GLI3: variants seen among roughly 807,000 people sequenced by gnomAD.
The protein encoded by GLI3 is transcription activator GLI3.
Under a neutral mutation model 100.8 loss-of-function variants are expected in GLI3, and 20 were observed. The ratio of observed to expected loss-of-function variants is 0.20; its 90% CI spans 0.14 to 0.29. GLI3 has a LOEUF of 0.29. Among genes scored for constraint, GLI3 ranks in the 10% least tolerant of loss-of-function variants. GLI3 has a pLI of 1.00. For synonymous variants in GLI3, 938 were observed against 860.5 expected (o/e 1.09, Z -1.58); for missense variants, 2,040 against 2,128.5 (o/e 0.96, Z 0.82).
At chr7:42,062,801 C>T (rs1321025726) in intron 4 of GLI3, among the ~76,000 whole-genome samples, 1 of 151,968 alleles carries the variant, frequency 6.6e-6, no homozygotes, top group African/African-American at 2.4e-5. Context: ...CAGCTAAATC[C>T]AGCCTTTCCA....
chr7:42,026,145 G>T, intron 8 of GLI3, 54 bp downstream of exon 8: 1 of 1,256,094 alleles, frequency 8.0e-7, no homozygotes, highest in Non-Finnish European at 1.1e-6. Context: ...GTGGTGGCCT[G>T]CCCCCACCCT....
intron 2 of GLI3, among the ~76,000 whole-genome samples, chr7:42,213,025 C>G (rs977825291): frequency 6.6e-6 from 1 of 152,170 alleles, no homozygotes. Flanking sequence ...AGGTTACGAG[C>G]CTTTCAGTTT....
At chr7:42,095,567 A>G (rs1438800791) in intron 3 of GLI3, among the ~76,000 whole-genome samples, 1 of 152,108 alleles carries the variant, frequency 6.6e-6, no homozygotes, top group East Asian at 1.9e-4. Context: ...AGCAGAAGTA[A>G]AGGACACAGG....
In GLI3 at chr7:42,009,624, C is replaced by T. The variant is rs78122487; in HGVS notation, c.1497+13844G>A. ...ATCAACGATCTTACTCTTGTGTCAG[C>T]TGGGCACGCATGCTTCCTTTTCCTG... On this transcript the variant is annotated intron_variant, in intron 10 of 14. Coordinates refer to ENST00000395925, the MANE Select transcript of GLI3 (RefSeq NM_000168.6). Among the ~76,000 whole-genome samples the T allele has an allele frequency of 9.4e-3, 1,432 of 152,140 alleles. 24 individuals carry two copies. Among genetic ancestry groups the T allele is most frequent in the African/African-American group, 0.032 (1,310 of 41,502 alleles).
rs1034683497 is a variant in GLI3 at position 41,966,637 on chromosome 7, T to C, written c.2436A>G (p.Thr812=). The change falls in exon 15 of 15, where the codon ACA becomes ACG. Residue 812 remains threonine, a synonymous_variant. Transcript: ENST00000395925. The surrounding 1 kb of genome is among the most constrained non-coding windows in gnomAD (Gnocchi z 5.8). Reference sequence around the variant, plus strand: ...CCAAGCTGCAGGTGTTGTTGGACTGTGTGCCTGGAGACAGAGAAAGGGAGA... The same window carrying C: ...CCAAGCTGCAGGTGTTGTTGGACTGCGTGCCTGGAGACAGAGAAAGGGAGA... ...PAVSPLIGNG[T]QSNNTCSLGG... is the part of the protein sequence containing the mutation. 2.5e-6 allele frequency: 4 copies of C among 1,613,934 alleles called. No individual in the cohort carries two copies. The Admixed American group carries it at 5.0e-5, about 20-fold the overall frequency.
intron 3 of GLI3, among the ~76,000 whole-genome samples, chr7:42,141,302 T>A (rs1786561856): frequency 6.6e-6 from 1 of 152,206 alleles, no homozygotes; most frequent in Admixed American, 6.5e-5. Flanking sequence ...CTCTCCTGTG[T>A]TAATCTTACA....
chr7:42,102,379 G>T (rs566790449), intron 3 of GLI3, among the ~76,000 whole-genome samples: 2 of 152,352 alleles, frequency 1.3e-5, no homozygotes, highest in African/African-American at 4.8e-5. Flanking sequence ...GAAGCAGTCA[G>T]AGCTCATTCC....
At position 42,247,222 on chromosome 7, in the gene GLI3, A is replaced by G. The variant is rs372193968; in HGVS notation, c.-43+16772T>C. On this transcript the variant is annotated intron_variant, in intron 1 of 2. Transcript: ENST00000678978. ...ACATTTTAACTAAAAATATAAACTC[A>G]TAGCAGCATACCTTCGAGTCCTTTC... Among the ~76,000 whole-genome samples the G allele has an allele frequency of 3.2e-4, 49 of 152,338 alleles. No individual in the cohort carries two copies. The East Asian group carries it at 5.8e-3, about 18-fold the overall frequency.
rs886062310 is a variant in GLI3 at position 41,960,961 on chromosome 7, G to T, written c.*3369C>A. On this transcript the variant is annotated 3_prime_UTR_variant, in exon 15 of 15. Transcript: ENST00000395925. ...AACCCAATAAAAATTTCCATACAAA[G>T]AATTTTTTATTGACATTGTAAGAAA... 8 of 152,434 alleles carry T rather than the reference G, an allele frequency of 5.2e-5. No homozygotes were observed. The highest frequency in any genetic ancestry group is 6.6e-5 in the Admixed American group (1 of 15,262). The allele number at this position is 152,434 out of a possible 1,614,324, so 9.4% of individuals were successfully genotyped here.
rs747943352 is a variant in GLI3, at chr7:41,965,316, G to C, written c.3757C>G (p.Gln1253Glu). The change falls in exon 15 of 15, where the codon CAG becomes GAG. Residue 1253 changes from glutamine to glutamate, a missense_variant. This residue lies in a region of GLI3 where 1,041 missense variants were observed against 924.0 expected (regional missense o/e 1.13). Coordinates refer to ENST00000395925, the MANE Select transcript of GLI3 (RefSeq NM_000168.6). ...TGCCTGTTGAGACAGTTCCCATACT[G>C]CGGGGCCTTACAGGGCTGTTCATGG... ...AFHEQPCKAP[Q>E]YGNCLNRQPV... is the part of the protein sequence containing the mutation. 5.0e-6 allele frequency: 8 copies of C among 1,613,976 alleles called. No homozygotes were observed. The highest frequency in any genetic ancestry group is 6.8e-6 in the Non-Finnish European group (8 of 1,179,946).
At chr7:42,030,696 G>GTTTTTTTTTTTTTTTTTTTT (rs201325272) in intron 7 of GLI3, among the ~76,000 whole-genome samples, 1 of 133,472 alleles carries the variant, frequency 7.5e-6, no homozygotes, top group African/African-American at 2.7e-5. Context: ...TTGTTGATTT[G>GTTTTTTTTTTTTTTTTTTTT]TTTTTTTTTT....
intron 13 of GLI3, 75 bp from the exon 14 acceptor site, chr7:41,967,998 A>C: frequency 1.4e-5 from 15 of 1,091,696 alleles, no homozygotes; most frequent in East Asian, 2.4e-5. Flanking sequence ...ATGAGAGCTC[A>C]TGCATATCGA....
chr7:42,192,594 A>G (rs530500488), intron 2 of GLI3, among the ~76,000 whole-genome samples: 1 of 152,368 alleles, frequency 6.6e-6, no homozygotes, highest in East Asian at 1.9e-4. Flanking sequence ...AAAACAAAAA[A>G]GAACCAAAGA....
chr7:42,132,568 A>G (rs1341320852), intron 3 of GLI3, among the ~76,000 whole-genome samples: 1 of 152,152 alleles, frequency 6.6e-6, no homozygotes, highest in East Asian at 1.9e-4. Flanking sequence ...GTCATCGCAT[A>G]TAGAAAAAAA....
rs1404151305 is a variant in GLI3 at position 41,972,271 on chromosome 7, T to A, written c.2103+66A>T. Reference sequence around the variant, plus strand: ...TGAGGACCGGGAAGTCCTGTCCCTCTATGCACCCTACCTGGCTCTTTTAAA... The same window carrying A: ...TGAGGACCGGGAAGTCCTGTCCCTCAATGCACCCTACCTGGCTCTTTTAAA... On this transcript the variant is annotated intron_variant, in intron 13 of 14. Transcript: ENST00000395925. This position sits in a 1 kb window ranked among gnomAD's most constrained non-coding sequence, Gnocchi z 4.4. 6.8e-7 allele frequency: 1 copy of A among 1,466,804 alleles called. No individual in the cohort carries two copies. The highest frequency in any genetic ancestry group is 9.5e-7 in the Non-Finnish European group (1 of 1,047,256). 90.9% of individuals were successfully genotyped at this position (1,466,804 alleles called of 1,614,324 possible).
At chr7:42,158,555 T>C (rs1246806543) in intron 2 of GLI3, among the ~76,000 whole-genome samples, 2 of 151,732 alleles carry the variant, frequency 1.3e-5, no homozygotes, top group Admixed American at 6.6e-5. Context: ...AAAGGCACAA[T>C]CTTAGCTCAC....
chr7:41,996,609 T>A (rs1323313098), intron 10 of GLI3, among the ~76,000 whole-genome samples: 1 of 152,130 alleles, frequency 6.6e-6, no homozygotes, highest in African/African-American at 2.4e-5. Context: ...ATAAAAGGAA[T>A]CTGAGGGGGT....
At chr7:41,989,834 A>T (rs756652539) in intron 10 of GLI3, among the ~76,000 whole-genome samples, 10 of 151,842 alleles carry the variant, frequency 6.6e-5, no homozygotes, top group Non-Finnish European at 1.2e-4. Context: ...GGCGTTCAAC[A>T]CCAGCCTGGG....
At chr7:42,000,885 TA>T (rs766504408) in intron 10 of GLI3, among the ~76,000 whole-genome samples, 4 of 152,032 alleles carry the variant, frequency 2.6e-5, no homozygotes, top group Non-Finnish European at 5.9e-5. Flanking sequence ...ATTCTTGGAA[TA>T]AACCAGACCT....
Sources: gnomAD v4.1 joint callset for allele counts (sites outside exome capture counted in the v4.1 genomes callset) on GRCh38, gnomAD v4.1.1 for gene constraint, gnomAD v4.1.1 regional missense constraint, Gnocchi (gnomAD v3.1) non-coding constraint, MANE v1.5 for transcripts, NCBI Gene and HGNC (gene_info 2026-07-23, HGNC 2026-07-21) for gene names.